The following PCSK2 variants were observed in gnomAD, a reference collection of about 807,000 sequenced individuals.
PCSK2 encodes the protein neuroendocrine convertase 2.
In PCSK2, 14 loss-of-function variants were observed where a neutral mutation model predicts 69.7. The ratio of observed to expected loss-of-function variants is 0.20; its 90% confidence interval spans 0.13 to 0.31. The LOEUF is 0.31. PCSK2 is among the 10% of genes least tolerant of loss of function. The pLI is 1.00. For missense variants in PCSK2, 544 were observed against 842.5 expected (o/e 0.65, Z 4.39); for synonymous variants, 307 against 320.7 (o/e 0.96, Z 0.46).
At chr20:17,235,358 G>T (rs1419492820) in intron 1 of PCSK2, among the ~76,000 whole-genome samples, 1 of 152,000 alleles carries the variant, frequency 6.6e-6, no homozygotes, top group Non-Finnish European at 1.5e-5. Flanking sequence ...TAGGATCCTG[G>T]GGTTGCTCTT....
chr20:17,276,742 A>G (rs944913621), intron 2 of PCSK2, among the ~76,000 whole-genome samples: 1 of 152,176 alleles, frequency 6.6e-6, no homozygotes, highest in African/African-American at 2.4e-5. Context: ...AGAAGGAAAT[A>G]AAGGGCATTC....
Position 17,391,898 on chromosome 20 carries a change from A to G in PCSK2, c.544-17365A>G, listed in dbSNP as rs1373543861. Among the ~76,000 whole-genome samples, 16 of 138,876 alleles carry G rather than the reference A, an allele frequency of 1.2e-4. No homozygotes were observed. The East Asian group carries it at 2.7e-3, about 24-fold the overall frequency. The allele number at this position is 138,876 out of a possible 152,430, so 91.1% of individuals were successfully genotyped here. Reference sequence around the variant, plus strand: ...AAAGAAAAAAAGAAAGAGAGAGAGAAAGAGAGAGAGGAAGGAAGGAAGGAA... The same window carrying G: ...AAAGAAAAAAAGAAAGAGAGAGAGAGAGAGAGAGAGGAAGGAAGGAAGGAA... On this transcript the variant is annotated intron_variant, in intron 5 of 11. Transcript: ENST00000262545.
rs537023628 is a variant in PCSK2 at position 17,275,584 on chromosome 20, A to G, written c.282+15240A>G. Among the ~76,000 whole-genome samples the G allele has an allele frequency of 3.9e-5, 6 of 152,312 alleles. No homozygotes were observed. The South Asian group carries it at 1.2e-3, about 32-fold the overall frequency. Reference sequence around the variant, plus strand: ...TTTTGTGCTGACAAATCTAAAAGTAACCTGACTAAAAATGTGTAGCAACTG... The same window carrying G: ...TTTTGTGCTGACAAATCTAAAAGTAGCCTGACTAAAAATGTGTAGCAACTG... On this transcript the variant is annotated intron_variant, in intron 2 of 11. Transcript: ENST00000262545.
At chr20:17,442,151 C>T (rs899344129) in intron 8 of PCSK2, among the ~76,000 whole-genome samples, 2 of 151,818 alleles carry the variant, frequency 1.3e-5, no homozygotes, top group African/African-American at 2.4e-5. Flanking sequence ...AACAGCCCAC[C>T]GGGAGCTGGG....
chr20:17,358,368 G>A lies in PCSK2; in HGVS notation c.324G>A (p.Lys108=), dbSNP rs1429604433. The change falls in exon 3 of 12, where the codon AAG becomes AAA. Residue 108 remains lysine, a synonymous_variant. Coordinates refer to ENST00000262545, the MANE Select transcript of PCSK2 (RefSeq NM_002594.5). ...ALQQEGFDRK[K]RGYRDINEID... ...AGCAGGAAGGATTTGACCGAAAAAA[G>A]CGAGGTTACAGAGACATCAATGAGA... 3.1e-6 allele frequency: 5 copies of A among 1,613,392 alleles called. No individual in the cohort carries two copies. In the South Asian group the frequency reaches 5.5e-5, roughly 18 times the overall value.
intron 1 of PCSK2, among the ~76,000 whole-genome samples, chr20:17,235,747 T>C (rs1416541917): frequency 6.6e-6 from 1 of 152,156 alleles, no homozygotes; most frequent in Non-Finnish European, 1.5e-5. Context: ...TGGTATTAGA[T>C]GTAGTAGACA....
intron 2 of PCSK2, among the ~76,000 whole-genome samples, chr20:17,334,486 C>T (rs999798992): frequency 3.9e-5 from 6 of 152,192 alleles, no homozygotes; most frequent in African/African-American, 7.2e-5. Flanking sequence ...GTGCTTCTCT[C>T]TCAGTGTGGT....
At chr20:17,359,035 C>T (rs180846046) in intron 3 of PCSK2, among the ~76,000 whole-genome samples, 2 of 152,306 alleles carry the variant, frequency 1.3e-5, no homozygotes, top group Non-Finnish European at 2.9e-5. Context: ...CATCATGATC[C>T]ATTTGGATTG....
intron 2 of PCSK2, among the ~76,000 whole-genome samples, chr20:17,306,318 G>A (rs1568595223): frequency 6.6e-6 from 1 of 151,444 alleles, no homozygotes; most frequent in Non-Finnish European, 1.5e-5. Context: ...ATTAAATTAT[G>A]CCCCCCCAAA....
chr20:17,341,067 A>T (rs1990497689), intron 2 of PCSK2, among the ~76,000 whole-genome samples: 1 of 152,028 alleles, frequency 6.6e-6, no homozygotes, highest in African/African-American at 2.4e-5. Flanking sequence ...CCTGGCCAAA[A>T]TGTCTCTACT....
intron 6 of PCSK2, among the ~76,000 whole-genome samples, chr20:17,420,177 A>C (rs1240574071): frequency 6.6e-6 from 1 of 152,194 alleles, no homozygotes; most frequent in Non-Finnish European, 1.5e-5. Context: ...AACCCCAAGC[A>C]ACAGGCCACA....
rs767252172 is a variant in PCSK2 at position 17,473,312 on chromosome 20, T to G, written c.1430+7759T>G. On this transcript the variant is annotated intron_variant, in intron 11 of 11. Transcript: ENST00000262545. The stretch of plus-strand genomic sequence containing the variant: ...TTTCTCCATGTTGGTCAGGCTGGTC[T>G]TGAACTCCTGACCTCGTGTTCCGAC... Among the ~76,000 whole-genome samples, 4 of 152,072 alleles carry G rather than the reference T, an allele frequency of 2.6e-5. No individual in the cohort carries two copies. The East Asian group carries it at 7.7e-4, about 29-fold the overall frequency.
At chr20:17,379,006 C>T (rs1030445647) in intron 5 of PCSK2, among the ~76,000 whole-genome samples, 1 of 152,126 alleles carries the variant, frequency 6.6e-6, no homozygotes, top group Admixed American at 6.6e-5. Context: ...GGTGACCAAG[C>T]CTTACAAATA....
chr20:17,348,094 AGAAAGAAAGAAAAGAAAAGAAAGAGAGAG>A (rs1174443444), intron 2 of PCSK2, among the ~76,000 whole-genome samples: 1 of 146,078 alleles, frequency 6.8e-6, no homozygotes, highest in Non-Finnish European at 1.5e-5. Flanking sequence ...AAAGAAAGAA[AGAAAGAAAGAAAAGAAAAGAAAGAGAGAG>A]AGAAAAGAAA....
chr20:17,358,566 C>T (rs555706473), intron 3 of PCSK2, 126 bp downstream of exon 3: 2 of 607,804 alleles, frequency 3.3e-6, no homozygotes, highest in Admixed American at 2.8e-5. Context: ...TCTCTGTCCC[C>T]TTACATATGT....
At chr20:17,404,118 T>C (rs1293958114) in intron 5 of PCSK2, among the ~76,000 whole-genome samples, 1 of 152,282 alleles carries the variant, frequency 6.6e-6, no homozygotes, top group African/African-American at 2.4e-5. Context: ...GCACATGGCT[T>C]GGTAAGTCCA....
chr20:17,423,437 G>A (rs1284204828), intron 6 of PCSK2, among the ~76,000 whole-genome samples: 1 of 152,140 alleles, frequency 6.6e-6, no homozygotes, highest in Non-Finnish European at 1.5e-5. Flanking sequence ...GCCACTCTTA[G>A]AGGCAATAGA....
rs2032859706 is a variant in PCSK2 at position 17,453,268 on chromosome 20, T to C, written c.886-474T>C. Among the ~76,000 whole-genome samples, 1 of 152,194 alleles carries C rather than the reference T, an allele frequency of 6.6e-6. No homozygotes were observed. The highest frequency in any genetic ancestry group is 2.4e-5 in the African/African-American group (1 of 41,462). On this transcript the variant is annotated intron_variant, in intron 8 of 11. Transcript: ENST00000262545. This position sits in a 1 kb window ranked among gnomAD's most constrained non-coding sequence, Gnocchi z 4.0. ...AGGTATATATCTTCTATAAATGTTT[T>C]GTATAGCTTATGTAGCTAAGAAAAA...
At chr20:17,455,741 A>T (rs1302365832) in intron 9 of PCSK2, among the ~76,000 whole-genome samples, 2 of 152,224 alleles carry the variant, frequency 1.3e-5, no homozygotes, top group African/African-American at 4.8e-5. Context: ...TCAGGAAATA[A>T]ATCTCTCTGT....
Sources: allele counts gnomAD v4.1 joint callset (sites outside exome capture counted in the v4.1 genomes callset), GRCh38; gene constraint gnomAD v4.1.1; non-coding constraint Gnocchi (gnomAD v3.1); transcripts MANE v1.5; gene names NCBI Gene and HGNC (gene_info 2026-07-23, HGNC 2026-07-21).